The following AGMO variants were observed in gnomAD, a reference collection of about 807,000 sequenced individuals.
AGMO encodes the protein glyceryl-ether monooxygenase.
A neutral mutation model predicts 60.2 loss-of-function variants in AGMO; 75 were observed. The ratio of observed to expected loss-of-function variants is 1.25; its 90% confidence interval spans 1.03 to 1.51. The LOEUF (loss-of-function observed/expected upper bound fraction) is 1.51. Among genes scored for constraint, AGMO ranks in the 40% most tolerant of loss-of-function variants. The pLI is 0.00. For synonymous variants in AGMO, 261 were observed against 177.1 expected, an observed-to-expected ratio of 1.47 and a Z score of -3.76; for missense variants, 763 against 525.5, an observed-to-expected ratio of 1.45 and a Z score of -4.42.
intron 12 of AGMO, among the ~76,000 whole-genome samples, chr7:15,338,297 T>A (rs751903182): frequency 6.6e-6 from 1 of 152,162 alleles, no homozygotes; most frequent in African/African-American, 2.4e-5. Context: ...GAAGAAAAGG[T>A]GAATTTTTAC....
intron 3 of AGMO, among the ~76,000 whole-genome samples, chr7:15,456,294 T>C (rs1781996295): frequency 6.6e-6 from 1 of 152,140 alleles, no homozygotes; most frequent in Non-Finnish European, 1.5e-5. Context: ...TTTAAAACTA[T>C]TTTTATGTTC....
intron 12 of AGMO, among the ~76,000 whole-genome samples, chr7:15,203,489 TTTC>T (rs1310057642): frequency 6.6e-6 from 1 of 152,070 alleles, no homozygotes; most frequent in African/African-American, 2.4e-5. Context: ...TTATTTTTTT[TTTC>T]TTTTCTTTTT....
chr7:15,303,572 G>A (rs1175493660), intron 12 of AGMO, among the ~76,000 whole-genome samples: 4 of 151,984 alleles, frequency 2.6e-5, no homozygotes, highest in East Asian at 1.9e-4. Flanking sequence ...GACCTGTGAC[G>A]CGAGCATGGG....
downstream of AGMO, among the ~76,000 whole-genome samples, chr7:15,200,007 G>A (rs537248373): frequency 2.0e-5 from 3 of 152,156 alleles, no homozygotes; most frequent in East Asian, 5.8e-4. Context: ...ATTAAATAAT[G>A]TATTGCTAAT....
intron 12 of AGMO, among the ~76,000 whole-genome samples, chr7:15,329,889 C>T (rs1424327551): frequency 6.6e-6 from 1 of 152,024 alleles, no homozygotes; most frequent in Non-Finnish European, 1.5e-5. Flanking sequence ...GGTTGAGCTG[C>T]GGGTCTCTAA....
intron 12 of AGMO, among the ~76,000 whole-genome samples, chr7:15,277,351 A>T (rs1001118664): frequency 1.1e-4 from 13 of 114,150 alleles, no homozygotes; most frequent in Non-Finnish European, 2.5e-4. Flanking sequence ...ATAAATAAAT[A>T]AATTATGTGT....
chr7:15,336,728 CTG>C (rs1781675228), intron 12 of AGMO, among the ~76,000 whole-genome samples: 1 of 152,072 alleles, frequency 6.6e-6, no homozygotes, highest in Non-Finnish European at 1.5e-5. Flanking sequence ...AGAAACTAAA[CTG>C]TGTTATTTCT....
chr7:15,317,354 G>C (rs1780956674), intron 12 of AGMO, among the ~76,000 whole-genome samples: 1 of 152,142 alleles, frequency 6.6e-6, no homozygotes, highest in Admixed American at 6.6e-5. Flanking sequence ...ACCATTGACA[G>C]ATGTCTAGAT....
downstream of AGMO, among the ~76,000 whole-genome samples, chr7:15,195,332 CAGGGA>C (rs1284862588): frequency 5.9e-5 from 9 of 152,168 alleles, no homozygotes; most frequent in East Asian, 1.7e-3. Flanking sequence ...TTTTTCCTTG[CAGGGA>C]GAGATGGGTG....
chr7:15,541,813 A>C (rs1294554549), intron 3 of AGMO, among the ~76,000 whole-genome samples: 1 of 152,170 alleles, frequency 6.6e-6, no homozygotes, highest in Non-Finnish European at 1.5e-5. Context: ...TAAAGACAAA[A>C]TTTTAAATAC....
At chr7:15,163,793 G>A in the AGMO span, among the ~76,000 whole-genome samples, 1 of 148,878 alleles carries the variant, frequency 6.7e-6, no homozygotes, top group African/African-American at 2.5e-5. Flanking sequence ...TTTTTTTATT[G>A]TTGTGCCCTT....
chr7:15,382,804 A>G (rs559337114), intron 10 of AGMO, among the ~76,000 whole-genome samples: 1 of 152,168 alleles, frequency 6.6e-6, no homozygotes, highest in East Asian at 1.9e-4. Flanking sequence ...CCTACCATAG[A>G]TATCTTAATT....
chr7:15,450,577 T>C (rs905938827), intron 3 of AGMO, among the ~76,000 whole-genome samples: 1 of 152,182 alleles, frequency 6.6e-6, no homozygotes, highest in Non-Finnish European at 1.5e-5. Context: ...AGACTATCTT[T>C]GTAGTTCAGA....
At chr7:15,318,747 T>C (rs576610661) in intron 12 of AGMO, among the ~76,000 whole-genome samples, 1 of 152,328 alleles carries the variant, frequency 6.6e-6, no homozygotes, top group Non-Finnish European at 1.5e-5. Context: ...AATTATATTC[T>C]ACATTGGCTC....
chr7:15,213,607 T>G (rs560668085), intron 12 of AGMO, among the ~76,000 whole-genome samples: 2 of 151,760 alleles, frequency 1.3e-5, no homozygotes, highest in Non-Finnish European at 1.5e-5. Context: ...CTCCACACAT[T>G]TGAAGTATGT....
At chr7:15,127,800 T>C in the AGMO span, among the ~76,000 whole-genome samples, 5 of 152,152 alleles carry the variant, frequency 3.3e-5, no homozygotes, top group African/African-American at 1.2e-4. Context: ...TTTTATTCTG[T>C]GGTTGTAAAT....
chr7:15,339,912 G>C (rs552095771), intron 12 of AGMO, among the ~76,000 whole-genome samples: 5 of 152,206 alleles, frequency 3.3e-5, no homozygotes, highest in African/African-American at 1.2e-4. Context: ...TTAGCTAAGG[G>C]TAAACAATGT....
chr7:15,305,683 A>G (rs1433094687), intron 12 of AGMO, among the ~76,000 whole-genome samples: 1 of 152,014 alleles, frequency 6.6e-6, no homozygotes, highest in Non-Finnish European at 1.5e-5. Context: ...TCTGGATTTT[A>G]CTGTAGACAT....
intron 12 of AGMO, among the ~76,000 whole-genome samples, chr7:15,298,549 G>T (rs1483688525): frequency 2.0e-5 from 3 of 152,002 alleles, no homozygotes; most frequent in African/African-American, 7.2e-5. Context: ...TTACAGGTGT[G>T]TGCCAACATG....
Sources: allele counts gnomAD v4.1 joint callset (sites outside exome capture counted in the v4.1 genomes callset), GRCh38; gene constraint gnomAD v4.1.1; transcripts MANE v1.5; gene names NCBI Gene and HGNC (gene_info 2026-07-23, HGNC 2026-07-21).